The following NCOA1 variants were observed in gnomAD, a reference collection of about 807,000 sequenced individuals.
NCOA1 encodes the protein Hin-2 protein.
Under a neutral mutation model 150.9 loss-of-function variants are expected in NCOA1, and 35 were observed. The observed-to-expected ratio is 0.23, with a 90% CI of 0.18 to 0.31. NCOA1 has a LOEUF of 0.31. NCOA1 is among the 10% of genes least tolerant of loss of function. The pLI is 1.00. For missense variants in NCOA1, 1,491 were observed against 1,749.3 expected, an observed-to-expected ratio of 0.85 and a Z score of 2.63; for synonymous variants, 590 against 630.0, an observed-to-expected ratio of 0.94 and a Z score of 0.95.
intron 1 of NCOA1, among the ~76,000 whole-genome samples, chr2:24,532,229 G>T (rs1035741876): frequency 3.9e-5 from 6 of 152,142 alleles, no homozygotes; most frequent in African/African-American, 1.4e-4. Context: ...ATTTTTTCAT[G>T]TGTCTGTGGC....
At chr2:24,655,751 C>T (rs1450686613) in intron 4 of NCOA1, among the ~76,000 whole-genome samples, 1 of 152,036 alleles carries the variant, frequency 6.6e-6, no homozygotes, top group East Asian at 1.9e-4. Flanking sequence ...GAATTGAGAT[C>T]TTGGTAAAGG....
chr2:24,582,984 T>C (rs1667261009), intron 2 of NCOA1, among the ~76,000 whole-genome samples: 1 of 152,046 alleles, frequency 6.6e-6, no homozygotes, highest in Non-Finnish European at 1.5e-5. Context: ...AAATCTGAAA[T>C]GCTTCAGGAT....
At chr2:24,590,112 A>T (rs1423871436) in intron 3 of NCOA1, among the ~76,000 whole-genome samples, 1 of 152,324 alleles carries the variant, frequency 6.6e-6, no homozygotes, top group Non-Finnish European at 1.5e-5. Flanking sequence ...GACTTTCAAA[A>T]ACTTTTATCT....
intron 22 of NCOA1, 87 bp downstream of exon 22, chr2:24,762,863 T>C (rs555938554): frequency 1.7e-6 from 2 of 1,210,370 alleles, no homozygotes; most frequent in Non-Finnish European, 2.4e-6. Context: ...GAGCCTGACC[T>C]TGGGAGTCAG....
chr2:24,681,966 A>G (rs942574635), intron 7 of NCOA1, among the ~76,000 whole-genome samples: 2 of 152,186 alleles, frequency 1.3e-5, no homozygotes, highest in Non-Finnish European at 2.9e-5. Flanking sequence ...CACCCGCCTC[A>G]GCCTCCCAAA....
chr2:24,550,132 A>G (rs1665764782), intron 1 of NCOA1, among the ~76,000 whole-genome samples: 1 of 152,222 alleles, frequency 6.6e-6, no homozygotes, highest in Admixed American at 6.5e-5. Flanking sequence ...GGTCAAAGCC[A>G]TACAACAAGT....
intron 21 of NCOA1, among the ~76,000 whole-genome samples, chr2:24,759,757 C>T (rs1489479514): frequency 6.6e-6 from 1 of 151,966 alleles, no homozygotes; most frequent in Non-Finnish European, 1.5e-5. Context: ...CTCTATATCA[C>T]ATGAGGTGAT....
intron 17 of NCOA1, among the ~76,000 whole-genome samples, chr2:24,735,344 C>A (rs28744588): frequency 6.6e-6 from 1 of 151,998 alleles, no homozygotes; most frequent in African/African-American, 2.4e-5. Context: ...CCCATCTGTT[C>A]GCTTATTGGT....
chr2:24,513,951 T>C (rs747186796), intron 1 of NCOA1, among the ~76,000 whole-genome samples: 3 of 152,070 alleles, frequency 2.0e-5, no homozygotes, highest in Admixed American at 6.5e-5. Flanking sequence ...CTTATTCTGG[T>C]ATAAAGCCAC....
intron 1 of NCOA1, among the ~76,000 whole-genome samples, chr2:24,522,023 A>G (rs144940740): frequency 1.3e-5 from 2 of 152,114 alleles, no homozygotes; most frequent in Non-Finnish European, 2.9e-5. Flanking sequence ...ACCTTCTAAC[A>G]TAACATATAA....
At chr2:24,521,698 T>C (rs1664423786) in intron 1 of NCOA1, among the ~76,000 whole-genome samples, 1 of 152,164 alleles carries the variant, frequency 6.6e-6, no homozygotes, top group Non-Finnish European at 1.5e-5. Flanking sequence ...AACATGAGAG[T>C]TGGAGATCTC....
intron 1 of NCOA1, among the ~76,000 whole-genome samples, chr2:24,497,880 C>G (rs1435887899): frequency 3.3e-5 from 5 of 152,154 alleles, no homozygotes; most frequent in African/African-American, 9.7e-5. Flanking sequence ...GAACAAATTG[C>G]TTGGTCATTC....
At chr2:24,517,790 G>T (rs1001163530) in intron 1 of NCOA1, among the ~76,000 whole-genome samples, 1 of 152,130 alleles carries the variant, frequency 6.6e-6, no homozygotes, top group East Asian at 1.9e-4. Context: ...TAGTATGGTT[G>T]GGTGTTTCTA....
chr2:24,602,164 G>C (rs1487815916), intron 3 of NCOA1, among the ~76,000 whole-genome samples: 1 of 152,132 alleles, frequency 6.6e-6, no homozygotes, highest in Non-Finnish European at 1.5e-5. Flanking sequence ...GATTGGGGAA[G>C]AATAGCAACA....
rs569977102 is a variant in NCOA1, at chr2:24,651,298, C to T, written c.-18+7176C>T. Among the ~76,000 whole-genome samples the T allele has an allele frequency of 2.7e-4, 41 of 152,154 alleles. No individual in the cohort carries two copies. In the South Asian group the frequency reaches 8.5e-3, roughly 32 times the overall value. ...CACAATAGCTGAGACATGGAAACAACCTAGGGGTTGCTCAGTGGACAAATA... is the reference window on the plus strand; with the variant it reads ...CACAATAGCTGAGACATGGAAACAATCTAGGGGTTGCTCAGTGGACAAATA... On this transcript the variant is annotated intron_variant, in intron 4 of 22. Coordinates refer to ENST00000348332, the MANE Select transcript of NCOA1 (RefSeq NM_003743.5).
chr2:24,768,193 C>G (rs1225578809), intron 22 of NCOA1, 28 bp from the exon 23 acceptor site: 1 of 1,612,374 alleles, frequency 6.2e-7, no homozygotes, highest in Non-Finnish European at 8.5e-7. Flanking sequence ...ACCCTTCTGT[C>G]TAAACACATC....
intron 8 of NCOA1, among the ~76,000 whole-genome samples, chr2:24,689,473 A>G (rs572456230): frequency 1.3e-5 from 2 of 151,892 alleles, no homozygotes; most frequent in Non-Finnish European, 2.9e-5. Context: ...CAGTGGTGCA[A>G]TCTTGGCTCA....
intron 6 of NCOA1, among the ~76,000 whole-genome samples, chr2:24,672,022 T>C (rs1558891709): frequency 6.6e-6 from 1 of 152,180 alleles, no homozygotes; most frequent in Non-Finnish European, 1.5e-5. Flanking sequence ...ATTTTTGATC[T>C]GTGGTCAGTA....
In NCOA1 at chr2:24,710,240, C is replaced by T. The variant is rs187116168; in HGVS notation, c.2419-691C>T. On this transcript the variant is annotated intron_variant, in intron 13 of 22. Transcript: ENST00000348332. ...CCACTAGTAGCTGGAGTTATAGGCA[C>T]GTGCCACGATGCCTGGCTAATTTTT... is the stretch of plus-strand genomic sequence containing the variant. Among the ~76,000 whole-genome samples the T allele has an allele frequency of 1.1e-4, 17 of 152,062 alleles. No individual in the cohort carries two copies. In the East Asian group the frequency reaches 3.1e-3, roughly 28 times the overall value.
Sources: allele counts gnomAD v4.1 joint callset (sites outside exome capture counted in the v4.1 genomes callset), GRCh38; gene constraint gnomAD v4.1.1; transcripts MANE v1.5; gene names NCBI Gene and HGNC (gene_info 2026-07-23, HGNC 2026-07-21).